The following PRKN variants were observed in gnomAD, a reference collection of about 807,000 sequenced individuals.
PRKN encodes parkin RBR E3 ubiquitin protein ligase.
Under a neutral mutation model 59.5 loss-of-function variants are expected in PRKN, and 56 were observed. The ratio of observed to expected loss-of-function variants is 0.94; its 90% CI spans 0.76 to 1.18. PRKN has a LOEUF of 1.18. Among genes scored for constraint, PRKN ranks in the 50% most tolerant of loss-of-function variants. The pLI is 0.00. For synonymous variants in PRKN, 250 were observed against 222.1 expected (o/e 1.13, Z -1.12); for missense variants, 657 against 596.4 (o/e 1.10, Z -1.06).
chr6:161,729,966 T>C (rs548317364), intron 7 of PRKN, among the ~76,000 whole-genome samples: 1 of 152,346 alleles, frequency 6.6e-6, no homozygotes, highest in South Asian at 2.1e-4. Flanking sequence ...CATTCTGATG[T>C]GTTGCATTCT....
At chr6:162,586,275 A>G (rs960454951) in intron 1 of PRKN, among the ~76,000 whole-genome samples, 1 of 152,212 alleles carries the variant, frequency 6.6e-6, no homozygotes, top group Non-Finnish European at 1.5e-5. Flanking sequence ...ATAAAGCATT[A>G]TAAGTATCTA....
intron 4 of PRKN, among the ~76,000 whole-genome samples, chr6:162,112,627 T>C (rs1254485385): frequency 6.6e-6 from 1 of 152,060 alleles, no homozygotes; most frequent in African/African-American, 2.4e-5. Context: ...CTTTAGATAA[T>C]GTCCTAGGCC....
rs192078181 is a variant in PRKN, at chr6:162,531,502, G to A, written c.8-88029C>T. 2.0e-5 allele frequency among the ~76,000 whole-genome samples: 3 copies of A among 152,236 alleles called. No homozygotes were observed. In the East Asian group the frequency reaches 5.8e-4, roughly 29 times the overall value. Reference sequence around the variant, plus strand: ...GGGAAGCCAGTGAGCCAGGAGTGCTGATTGGCCAGAGATGAAATCATAGGA... The same window carrying A: ...GGGAAGCCAGTGAGCCAGGAGTGCTAATTGGCCAGAGATGAAATCATAGGA... On this transcript the variant is annotated intron_variant, in intron 1 of 11. Transcript: ENST00000366898.
intron 3 of PRKN, among the ~76,000 whole-genome samples, chr6:162,234,420 T>G (rs1778556940): frequency 6.6e-6 from 1 of 152,158 alleles, no homozygotes; most frequent in African/African-American, 2.4e-5. Context: ...ATGACACAAG[T>G]CATATGTTTT....
At chr6:161,443,286 G>A (rs529792878) in intron 9 of PRKN, among the ~76,000 whole-genome samples, 15 of 150,384 alleles carry the variant, frequency 1.0e-4, no homozygotes, top group African/African-American at 3.7e-4. Flanking sequence ...CTCCAGCCTG[G>A]GTGACAGAGC....
chr6:162,648,005 T>C (rs1328045432), intron 1 of PRKN, among the ~76,000 whole-genome samples: 1 of 127,798 alleles, frequency 7.8e-6, no homozygotes, highest in East Asian at 2.3e-4. Context: ...TGTTGAGTAC[T>C]AGAAAAGTTC....
At chr6:161,516,219 G>A (rs1448694834) in intron 9 of PRKN, among the ~76,000 whole-genome samples, 1 of 151,588 alleles carries the variant, frequency 6.6e-6, no homozygotes, top group African/African-American at 2.4e-5. Context: ...AGGCTGAGGT[G>A]GGTGGGTCAC....
At chr6:161,636,099 G>A (rs111228518) in intron 7 of PRKN, among the ~76,000 whole-genome samples, 4,787 of 152,260 alleles carry the variant, frequency 0.031, 256 homozygotes, top group African/African-American at 0.11. Context: ...TGAGCAGGCC[G>A]TTGTGCTGAG....
chr6:162,007,250 G>A (rs887775506), intron 5 of PRKN, among the ~76,000 whole-genome samples: 8 of 152,114 alleles, frequency 5.3e-5, no homozygotes, highest in African/African-American at 1.9e-4. Flanking sequence ...ATAACACACA[G>A]TAAAAGATGT....
At position 162,359,079 on chromosome 6, in the gene PRKN, A is replaced by AAATAT. The variant is rs57265104; in HGVS notation, c.171+84230_171+84231insATATT. Reference sequence around the variant, plus strand: ...TGTGGCAAAAAAAAAAAAAAAAAAAAATATATATATATATATATGAAATCA... The same window carrying AAATAT: ...TGTGGCAAAAAAAAAAAAAAAAAAAAAATATATATATATATATATATATGAAATCA... On this transcript the variant is annotated intron_variant, in intron 2 of 11. Coordinates refer to ENST00000366898, the MANE Select transcript of PRKN (RefSeq NM_004562.3). Among the ~76,000 whole-genome samples the AAATAT allele has an allele frequency of 6.9e-3, 572 of 83,190 alleles. 6 individuals are homozygous for AAATAT. The highest frequency in any genetic ancestry group is 0.055 in the East Asian group (198 of 3,568). The allele number at this position is 83,190 out of a possible 152,430, so 54.6% of individuals were successfully genotyped here.
chr6:162,705,677 G>T (rs1778313740), intron 1 of PRKN, among the ~76,000 whole-genome samples: 1 of 152,160 alleles, frequency 6.6e-6, no homozygotes, highest in African/African-American at 2.4e-5. Flanking sequence ...ATTCTTATCT[G>T]CTCTGCAAGA....
intron 4 of PRKN, among the ~76,000 whole-genome samples, chr6:162,163,327 T>C (rs1389348916): frequency 6.7e-6 from 1 of 149,638 alleles, no homozygotes; most frequent in Admixed American, 6.7e-5. Context: ...TGGTCCTCAC[T>C]ATTTTTCATT....
chr6:161,971,717 T>A (rs370519468), intron 6 of PRKN, among the ~76,000 whole-genome samples: 1 of 104,414 alleles, frequency 9.6e-6, no homozygotes, highest in Non-Finnish European at 2.0e-5. Flanking sequence ...CAACAGATGC[T>A]GTTAAGGTTT....
rs75746124 is a variant in PRKN, at chr6:162,020,760, A to G, written c.618+33331T>C. Among the ~76,000 whole-genome samples the G allele has an allele frequency of 2.6e-3, 398 of 152,230 alleles. 3 individuals carry two copies. The highest frequency in any genetic ancestry group is 9.1e-3 in the African/African-American group (378 of 41,544). ...TCTCCCCATATTTCTACATTTTAAAATTTAGGAATGCCATGACAAACAAGA... is the reference window on the plus strand; with the variant it reads ...TCTCCCCATATTTCTACATTTTAAAGTTTAGGAATGCCATGACAAACAAGA... On this transcript the variant is annotated intron_variant, in intron 5 of 11. Transcript: ENST00000366898.
intron 1 of PRKN, among the ~76,000 whole-genome samples, chr6:162,630,122 C>T (rs1325235675): frequency 6.6e-6 from 1 of 152,096 alleles, no homozygotes; most frequent in African/African-American, 2.4e-5. Context: ...TCGAATCAAA[C>T]AAGTTCTTAC....
intron 3 of PRKN, among the ~76,000 whole-genome samples, chr6:162,210,108 A>AAAATAAAATAAAATAAATTAAATT (rs1785142208): frequency 4.0e-5 from 1 of 24,942 alleles, no homozygotes; most frequent in Non-Finnish European, 9.7e-5. Flanking sequence ...ATAATAATAA[A>AAAATAAAATAAAATAAATTAAATT]AAATAAAATA....
At chr6:161,872,578 C>T (rs931920520) in intron 6 of PRKN, among the ~76,000 whole-genome samples, 3 of 152,132 alleles carry the variant, frequency 2.0e-5, no homozygotes, top group Admixed American at 6.6e-5. Context: ...TCTGGGCTTT[C>T]CTGGTCACAC....
chr6:161,351,552 T>C (rs922850489), intron 11 of PRKN, among the ~76,000 whole-genome samples: 1 of 152,128 alleles, frequency 6.6e-6, no homozygotes, highest in Non-Finnish European at 1.5e-5. Flanking sequence ...CTCAAACTCC[T>C]GACCTCAAGT....
chr6:161,712,062 A>G (rs1786772611), intron 7 of PRKN, among the ~76,000 whole-genome samples: 1 of 152,120 alleles, frequency 6.6e-6, no homozygotes, highest in African/African-American at 2.4e-5. Context: ...TCCCTTTCAT[A>G]TATACAACAC....
Sources: allele counts gnomAD v4.1 joint callset (sites outside exome capture counted in the v4.1 genomes callset), GRCh38; gene constraint gnomAD v4.1.1; transcripts MANE v1.5; gene names NCBI Gene and HGNC (gene_info 2026-07-23, HGNC 2026-07-21).